The following AP1S3 variants were observed in gnomAD, a reference collection of about 807,000 sequenced individuals.
AP1S3 encodes adaptor related protein complex 1 subunit sigma 3, also known as AP-1 complex subunit sigma-3.
AP1S3 carries 10 observed loss-of-function variants against 20.9 expected under a neutral mutation model. That is an observed-to-expected ratio of 0.48 (90% CI 0.29 to 0.81). The LOEUF (loss-of-function observed/expected upper bound fraction) is 0.81, where lower values mean the gene tolerates loss of function less well. Ranked by LOEUF, AP1S3 falls within the 30% of genes least tolerant of loss-of-function variation. AP1S3 has a pLI of 0.08. For missense variants in AP1S3, 154 were observed against 183.8 expected (o/e 0.84, Z 0.94); for synonymous variants, 41 against 61.5 (o/e 0.67, Z 1.56).
chr2:223,834,106 C>T (rs1692342859), intron 1 of AP1S3, among the ~76,000 whole-genome samples: 1 of 152,090 alleles, frequency 6.6e-6, no homozygotes. Flanking sequence ...CAGTGTTTCT[C>T]CATGTTGATC....
chr2:223,832,472 A>G (rs1692294641), intron 1 of AP1S3, among the ~76,000 whole-genome samples: 1 of 152,064 alleles, frequency 6.6e-6, no homozygotes, highest in Admixed American at 6.6e-5. Context: ...AGTGGAGGAG[A>G]GCCCTCTTGG....
chr2:223,824,997 G>T (rs756655858), intron 1 of AP1S3, among the ~76,000 whole-genome samples: 3 of 152,094 alleles, frequency 2.0e-5, no homozygotes, highest in African/African-American at 7.2e-5. Context: ...AAAGGGTGGA[G>T]ATGGAAGTGT....
intron 1 of AP1S3, among the ~76,000 whole-genome samples, chr2:223,780,351 AGAGAGAGTGTGTGT>A (rs1265467432): frequency 1.6e-5 from 1 of 62,208 alleles, no homozygotes; most frequent in Non-Finnish European, 2.7e-5. Context: ...AGAGAGAGAG[AGAGAGAGTGTGTGT>A]GTGTGTGTGT....
Position 223,777,808 on chromosome 2 carries a change from G to C in AP1S3, c.65C>G (p.Thr22Ser), listed in dbSNP as rs751972601. The C allele has an allele frequency of 3.6e-5, 58 of 1,613,966 alleles. No homozygotes were observed. Among genetic ancestry groups the C allele is most frequent in the Non-Finnish European group, 4.8e-5 (57 of 1,179,960 alleles). The change falls in exon 2 of 5, where the codon ACT (threonine) becomes AGT (serine). Residue 22 changes from threonine (T) to serine (S), a missense_variant. By Grantham distance (58) the Thr-to-Ser change is moderately conservative. Coordinates refer to ENST00000396654, the MANE Select transcript of AP1S3 (RefSeq NM_001039569.2). ...GKLRLQKWYI[T>S]LPDKERKKIT... Reference sequence around the variant, plus strand: ...CTTCTTCCTCTCTTTATCAGGGAGAGTGATGTACCATTTCTGTAGCCGTAA... The same window carrying C: ...CTTCTTCCTCTCTTTATCAGGGAGACTGATGTACCATTTCTGTAGCCGTAA...
intron 1 of AP1S3, among the ~76,000 whole-genome samples, chr2:223,824,027 G>A (rs13421452): frequency 0.32 from 48,955 of 151,978 alleles, 8,306 homozygotes; most frequent in Middle Eastern, 0.43. Context: ...TTTTTGAAAT[G>A]GGATCTTGCA....
intron 3 of AP1S3, among the ~76,000 whole-genome samples, chr2:223,772,198 C>A (rs75553841): frequency 6.6e-6 from 1 of 152,184 alleles, no homozygotes; most frequent in African/African-American, 2.4e-5. Flanking sequence ...ATTGCTATCA[C>A]GCCATCTCTT....
intron 1 of AP1S3, among the ~76,000 whole-genome samples, chr2:223,824,985 A>G (rs1692090000): frequency 6.6e-6 from 1 of 152,126 alleles, no homozygotes; most frequent in South Asian, 2.1e-4. Context: ...AGAGCTGGGA[A>G]GAAAGGGTGG....
chr2:223,789,137 A>C (rs1691148237), intron 1 of AP1S3, among the ~76,000 whole-genome samples: 1 of 40,696 alleles, frequency 2.5e-5, no homozygotes, highest in South Asian at 4.9e-4. Context: ...AACAAATAGG[A>C]AAAAAAAAAC....
intron 4 of AP1S3, among the ~76,000 whole-genome samples, chr2:223,761,859 G>A (rs752189847): frequency 1.3e-4 from 20 of 151,418 alleles, no homozygotes; most frequent in Non-Finnish European, 2.4e-4. Context: ...CATCGCATCT[G>A]GCCTTGAGCC....
intron 1 of AP1S3, among the ~76,000 whole-genome samples, chr2:223,823,622 G>T (rs767435561): frequency 6.6e-6 from 1 of 152,118 alleles, no homozygotes; most frequent in South Asian, 2.1e-4. Context: ...TTGGTTGAAG[G>T]ATACAAACTT....
chr2:223,756,813 C>T lies in AP1S3; in HGVS notation c.*1902G>A, dbSNP rs1690233151. The T allele has an allele frequency of 1.0e-6, 1 of 985,272 alleles. No homozygotes were observed. The highest frequency in any genetic ancestry group is 1.1e-4 in the East Asian group (1 of 8,802). The allele number at this position is 985,272 out of a possible 1,614,324, so 61.0% of individuals were successfully genotyped here. On this transcript the variant is annotated 3_prime_UTR_variant, in exon 5 of 5. Coordinates refer to ENST00000396654, the MANE Select transcript of AP1S3 (RefSeq NM_001039569.2). ...TTCCATCGAGTTCTCTAAAAATCTA[C>T]CAGATGGGATCTCCTAAAGAATCCA...
In AP1S3 at chr2:223,817,676, C is replaced by CCCTG. The variant is rs1209505351; in HGVS notation, c.3+19768_3+19771dup. Among the ~76,000 whole-genome samples, 4 of 151,228 alleles carry CCCTG rather than the reference C, an allele frequency of 2.6e-5. No individual in the cohort carries two copies. The East Asian group carries it at 7.8e-4, about 29-fold the overall frequency. ...GGGACCACATCTCTGGGGAAAGATG[C>CCCTG]CCTGTTTGGCTTCTCTGAGTATCCG... On this transcript the variant is annotated intron_variant, in intron 1 of 4. Coordinates refer to ENST00000396654, the MANE Select transcript of AP1S3 (RefSeq NM_001039569.2).
intron 4 of AP1S3, among the ~76,000 whole-genome samples, chr2:223,761,430 C>A (rs1174588595): frequency 1.3e-5 from 2 of 152,102 alleles, no homozygotes; most frequent in African/African-American, 4.8e-5. Flanking sequence ...CTGACCCTCC[C>A]CTTCTTTTTT....
chr2:223,795,993 C>A (rs145747759), intron 1 of AP1S3, among the ~76,000 whole-genome samples: 2,437 of 152,054 alleles, frequency 0.016, 70 homozygotes, highest in African/African-American at 0.055. Flanking sequence ...GCCAACATGG[C>A]GAAAGCCCTT....
chr2:223,829,418 G>A (rs1294944513), intron 1 of AP1S3, among the ~76,000 whole-genome samples: 1 of 152,104 alleles, frequency 6.6e-6, no homozygotes, highest in African/African-American at 2.4e-5. Flanking sequence ...CCTGAGGTCA[G>A]GAGTTCAAGA....
chr2:223,790,553 T>G lies in AP1S3; in HGVS notation c.4-12684A>C, dbSNP rs115131265. 3.5e-3 allele frequency among the ~76,000 whole-genome samples: 540 copies of G among 152,248 alleles called. 3 individuals carry two copies. The highest frequency in any genetic ancestry group is 0.012 in the African/African-American group (504 of 41,568). On this transcript the variant is annotated intron_variant, in intron 1 of 4. Transcript: ENST00000396654. ...CCAGTAATCGTTTGATTTTACCTAA[T>G]GTAGTTTTTTTTCAACCTGTACAGG...
chr2:223,768,917 A>G lies in AP1S3; in HGVS notation c.292-3567T>C, dbSNP rs1192364233. Reference sequence around the variant, plus strand: ...ATATGCTAGAGATTAATGGCATCCCAGATACAATTCTATGGTTGTACTGAA... The same window carrying G: ...ATATGCTAGAGATTAATGGCATCCCGGATACAATTCTATGGTTGTACTGAA... On this transcript the variant is annotated intron_variant, in intron 3 of 4. Coordinates refer to ENST00000396654, the MANE Select transcript of AP1S3 (RefSeq NM_001039569.2). Among the ~76,000 whole-genome samples, 12 of 152,346 alleles carry G rather than the reference A, an allele frequency of 7.9e-5. No individual in the cohort carries two copies. In the East Asian group the frequency reaches 2.3e-3, roughly 29 times the overall value.
At chr2:223,769,736 A>ATTTT (rs61207667) in intron 3 of AP1S3, among the ~76,000 whole-genome samples, 21 of 80,120 alleles carry the variant, frequency 2.6e-4, no homozygotes, top group Non-Finnish European at 2.7e-4. Context: ...ATGCAATCCC[A>ATTTT]TTTTTTTTTT....
chr2:223,805,598 T>G (rs1225885842), intron 1 of AP1S3, among the ~76,000 whole-genome samples: 1 of 152,172 alleles, frequency 6.6e-6, no homozygotes, highest in Non-Finnish European at 1.5e-5. Flanking sequence ...ACTTTATATA[T>G]TTATCCAACA....
Sources: gnomAD v4.1 joint callset for allele counts (sites outside exome capture counted in the v4.1 genomes callset) on GRCh38, gnomAD v4.1.1 for gene constraint, MANE v1.5 for transcripts, NCBI Gene and HGNC (gene_info 2026-07-23, HGNC 2026-07-21) for gene names.